PLCG1: variants seen among roughly 807,000 people sequenced by gnomAD.
The protein encoded by PLCG1 is phospholipase C gamma 1, also known as 1-phosphatidylinositol 4,5-bisphosphate phosphodiesterase gamma-1.
PLCG1 carries 71 observed loss-of-function variants against 177.8 expected under a neutral mutation model. That is an observed-to-expected ratio of 0.40 (90% confidence interval 0.33 to 0.49). The LOEUF (loss-of-function observed/expected upper bound fraction) is 0.49. Among genes scored for constraint, PLCG1 ranks in the 20% least tolerant of loss-of-function variants. PLCG1 has a pLI of 0.72. For synonymous variants in PLCG1, 658 were observed against 647.9 expected, an observed-to-expected ratio of 1.02 and a Z score of -0.24; for missense variants, 1,281 against 1,709.0, an observed-to-expected ratio of 0.75 and a Z score of 4.42.
At chr20:41,158,250 A>G (rs1169934847) in intron 1 of PLCG1, among the ~76,000 whole-genome samples, 1 of 152,122 alleles carries the variant, frequency 6.6e-6, no homozygotes, top group Non-Finnish European at 1.5e-5. Context: ...GTTGGTGTGC[A>G]GTTCGGGCTG....
At position 41,146,821 on chromosome 20, in the gene PLCG1, A is replaced by G. The variant is rs1411840259; in HGVS notation, c.217+8963A>G. On this transcript the variant is annotated intron_variant, in intron 1 of 31. Transcript: ENST00000685551. The surrounding 1 kb of genome is among the most constrained non-coding windows in gnomAD (Gnocchi z 6.3). ...TGTGTAGGTGTGGATGTGTGGTGGG[A>G]GAATTCCAACCCCACCTTGACTTCA... is the stretch of plus-strand genomic sequence containing the variant. Among the ~76,000 whole-genome samples, 4 of 152,120 alleles carry G rather than the reference A, an allele frequency of 2.6e-5. No homozygotes were observed. Among genetic ancestry groups the G allele is most frequent in the African/African-American group, 9.7e-5 (4 of 41,402 alleles).
chr20:41,164,191 G>A lies in PLCG1; in HGVS notation c.1207G>A (p.Val403Met). ...GCACACCATCAAGGAGCATGCCTTT[G>A]TGGCCTCAGAGTGAGTCGGAGGCTG... ...VLHTIKEHAF[V>M]ASEYPVILSI... The change falls in exon 12 of 32, where the codon GTG (valine) becomes ATG (methionine). Residue 403 changes from valine to methionine, a missense_variant. Val to Met is a conservative substitution (Grantham distance 21). Transcript: ENST00000685551. The surrounding 1 kb of genome is among the most constrained non-coding windows in gnomAD (Gnocchi z 6.4). 1 of 1,614,060 alleles carries A rather than the reference G, an allele frequency of 6.2e-7. No individual in the cohort carries two copies. The highest frequency in any genetic ancestry group is 8.5e-7 in the Non-Finnish European group (1 of 1,179,992).
In PLCG1 at chr20:41,166,361, C is replaced by T; in HGVS notation, c.1967C>T (p.Pro656Leu). 1 of 1,614,140 alleles carries T rather than the reference C, an allele frequency of 6.2e-7. No individual in the cohort carries two copies. The highest frequency in any genetic ancestry group is 8.5e-7 in the Non-Finnish European group (1 of 1,180,042). The change falls in exon 17 of 32, where the codon CCT becomes CTT. Residue 656 changes from proline to leucine, a missense_variant. This residue lies in a region of PLCG1 where 723 missense variants were observed against 1,030.0 expected (regional missense o/e 0.70). Coordinates refer to ENST00000685551, the MANE Select transcript of PLCG1 (RefSeq NM_002660.3). The surrounding 1 kb of genome is among the most constrained non-coding windows in gnomAD (Gnocchi z 8.6). The part of the protein sequence containing the change: ...CNEFEMRLSE[P>L]VPQTNAHESK... ...GAGTTTGAGATGCGACTTTCAGAGC[C>T]TGTCCCACAGACCAACGCCCACGAG...
Position 41,166,245 on chromosome 20 carries a change from G to A in PLCG1, c.1851G>A (p.Gly617=), listed in dbSNP as rs35256607. Residue 617 remains glycine, a synonymous_variant, in exon 17 of 32, where the codon GGG becomes GGA. Transcript: ENST00000685551. This position sits in a 1 kb window ranked among gnomAD's most constrained non-coding sequence, Gnocchi z 8.6. The stretch of plus-strand genomic sequence containing the variant: ...GTATCCACTCCCGGCAAGATGCTGG[G>A]ACCCCCAAGTTCTTCTTGACAGACA... The part of the protein sequence containing the change: ...HCRIHSRQDA[G]TPKFFLTDNL... 0.011 allele frequency: 17,108 copies of A among 1,614,144 alleles called. 113 individuals carry two copies. The highest frequency in any genetic ancestry group is 0.012 in the Non-Finnish European group (14,420 of 1,180,034).
rs2035161600 is a variant in PLCG1 at position 41,151,387 on chromosome 20, C to T, written c.218-8219C>T. On this transcript the variant is annotated intron_variant, in intron 1 of 31. Coordinates refer to ENST00000685551, the MANE Select transcript of PLCG1 (RefSeq NM_002660.3). The surrounding 1 kb of genome is among the most constrained non-coding windows in gnomAD (Gnocchi z 5.5). ...GTCTAGAATCTAGACCAAGCTTGTC[C>T]AACTCGCTGCCCGCGGGTCTGGTTT... Among the ~76,000 whole-genome samples, 1 of 152,196 alleles carries T rather than the reference C, an allele frequency of 6.6e-6. No homozygotes were observed. Among genetic ancestry groups the T allele is most frequent in the Admixed American group, 6.5e-5 (1 of 15,276 alleles).
chr20:41,137,751 T>G lies in PLCG1; in HGVS notation c.110T>G (p.Leu37Trp), dbSNP rs1254429059. 2 of 1,291,174 alleles carry G rather than the reference T, an allele frequency of 1.5e-6. No individual in the cohort carries two copies. Among genetic ancestry groups the G allele is most frequent in the African/African-American group, 1.5e-5 (1 of 65,302 alleles). The allele number at this position is 1,291,174 out of a possible 1,614,324, so 80.0% of individuals were successfully genotyped here. A position where few individuals can be genotyped will look rare whatever the true frequency, so the allele number is the denominator to read the frequency against. The change falls in exon 1 of 32, where the codon TTG becomes TGG. Residue 37 changes from leucine (L) to tryptophan (W), a missense_variant. By Grantham distance (61) the Leu-to-Trp change is moderately conservative. Transcript: ENST00000685551. The surrounding 1 kb of genome is among the most constrained non-coding windows in gnomAD (Gnocchi z 7.3). ...RSLEVGTVMTLFYSKKSQRPE... is the reference protein window; with the variant it reads ...RSLEVGTVMTWFYSKKSQRPE... ...CTCGAGGTGGGCACCGTCATGACTT[T>G]GTTCTACTCCAAGAAGTCGCAGCGA... is the stretch of plus-strand genomic sequence containing the variant.
rs2035055692 is a variant in PLCG1 at position 41,148,203 on chromosome 20, T to A, written c.217+10345T>A. Among the ~76,000 whole-genome samples the A allele has an allele frequency of 6.6e-6, 1 of 152,174 alleles. No individual in the cohort carries two copies. Among genetic ancestry groups the A allele is most frequent in the Non-Finnish European group, 1.5e-5 (1 of 68,026 alleles). On this transcript the variant is annotated intron_variant, in intron 1 of 31. Transcript: ENST00000685551. The surrounding 1 kb of genome is among the most constrained non-coding windows in gnomAD (Gnocchi z 4.3). ...GGAGGCTTAAGGACTAAACCAACAT[T>A]TACTGTCCAAGAGGTGGCAGTAACA...
At position 41,167,510 on chromosome 20, in the gene PLCG1, A is replaced by G. The variant is rs2035740387; in HGVS notation, c.2302-342A>G. On this transcript the variant is annotated intron_variant, in intron 19 of 31. Transcript: ENST00000685551. This position sits in a 1 kb window ranked among gnomAD's most constrained non-coding sequence, Gnocchi z 4.4. ...GGCTTTTCCTGACTTTGGGCTCAGCAGTGAACCAACAAGCCACTGAACTAA... is the reference window on the plus strand; with the variant it reads ...GGCTTTTCCTGACTTTGGGCTCAGCGGTGAACCAACAAGCCACTGAACTAA... 1 of 264,546 alleles carries G rather than the reference A, an allele frequency of 3.8e-6. No individual in the cohort carries two copies. Among genetic ancestry groups the G allele is most frequent in the Admixed American group, 4.9e-5 (1 of 20,464 alleles). The allele number at this position is 264,546 out of a possible 1,614,324, so 16.4% of individuals were successfully genotyped here. A position where few individuals can be genotyped will look rare whatever the true frequency, so the allele number is the denominator to read the frequency against.
rs748213018 is a variant in PLCG1 at position 41,150,881 on chromosome 20, A to T, written c.218-8725A>T. ...CTACTCGTTGCATGACCTCATAGTTATCTGCTTCCCCATCTGTTTCCTCCA... is the reference window on the plus strand; with the variant it reads ...CTACTCGTTGCATGACCTCATAGTTTTCTGCTTCCCCATCTGTTTCCTCCA... On this transcript the variant is annotated intron_variant, in intron 1 of 31. Transcript: ENST00000685551. This position sits in a 1 kb window ranked among gnomAD's most constrained non-coding sequence, Gnocchi z 4.0. Among the ~76,000 whole-genome samples, 1 of 152,172 alleles carries T rather than the reference A, an allele frequency of 6.6e-6. No individual in the cohort carries two copies. Among genetic ancestry groups the T allele is most frequent in the African/African-American group, 2.4e-5 (1 of 41,426 alleles).
rs750283962 is a variant in PLCG1 at position 41,173,593 on chromosome 20, C to T, written c.3394+59C>T. 2 of 1,614,072 alleles carry T rather than the reference C, an allele frequency of 1.2e-6. No individual in the cohort carries two copies. Among genetic ancestry groups the T allele is most frequent in the South Asian group, 1.1e-5 (1 of 91,076 alleles). ...TGCTGGGGCACTGCAAGCCTCTCCC[C>T]ACCAGTCATCCCATCCTCTCCCACG... On this transcript the variant is annotated intron_variant, in intron 28 of 31. Coordinates refer to ENST00000685551, the MANE Select transcript of PLCG1 (RefSeq NM_002660.3). The surrounding 1 kb of genome is among the most constrained non-coding windows in gnomAD (Gnocchi z 6.2).
chr20:41,168,074 G>A (rs2035763050), intron 20 of PLCG1, 145 bp downstream of exon 20: 5 of 670,032 alleles, frequency 7.5e-6, no homozygotes, highest in South Asian at 6.9e-5. Context: ...TGAGAGATGT[G>A]TGGTTGGTGA....
In PLCG1 at chr20:41,175,586, A is replaced by C. The variant is rs2146070167; in HGVS notation, c.*1077A>C. Reference sequence around the variant, plus strand: ...CCGGGGTCCAGGCCCGTGGGCGCAAAGGTGCCTCATAGCATAGCCAGCATT... The same window carrying C: ...CCGGGGTCCAGGCCCGTGGGCGCAACGGTGCCTCATAGCATAGCCAGCATT... On this transcript the variant is annotated 3_prime_UTR_variant, in exon 32 of 32. Coordinates refer to ENST00000685551, the MANE Select transcript of PLCG1 (RefSeq NM_002660.3). The C allele has an allele frequency of 6.5e-6, 1 of 152,790 alleles. No individual in the cohort carries two copies. 9.5% of individuals were successfully genotyped at this position (152,790 alleles called of 1,614,324 possible).
At position 41,159,355 on chromosome 20, in the gene PLCG1, G is replaced by T. The variant is rs2035420304; in HGVS notation, c.218-251G>T. ...TGTCTCAGTGAGGGAACAAAGATAG[G>T]GAAGGGACACCCCACAGAACCACCT... On this transcript the variant is annotated intron_variant, in intron 1 of 31. Transcript: ENST00000685551. This position sits in a 1 kb window ranked among gnomAD's most constrained non-coding sequence, Gnocchi z 6.0. Among the ~76,000 whole-genome samples, 1 of 152,074 alleles carries T rather than the reference G, an allele frequency of 6.6e-6. No individual in the cohort carries two copies. Among genetic ancestry groups the T allele is most frequent in the Non-Finnish European group, 1.5e-5 (1 of 68,006 alleles).
At chr20:41,170,360 A>C in intron 24 of PLCG1, 91 bp downstream of exon 24, 1 of 1,417,846 alleles carries the variant, frequency 7.1e-7, no homozygotes, top group Non-Finnish European at 9.8e-7. Context: ...CCCTCAGAGC[A>C]GTGGGGCAGC....
chr20:41,140,610 TCAG>T lies in PLCG1; in HGVS notation c.217+2756_217+2758del, dbSNP rs1023271290. 2.6e-4 allele frequency among the ~76,000 whole-genome samples: 40 copies of T among 152,148 alleles called. 1 individual carries two copies. Among genetic ancestry groups the T allele is most frequent in the Non-Finnish European group, 1.0e-4 (7 of 68,022 alleles). ...TGCCCTGACTCTGTGCCCTCTCTTGTCAGCAGTTGTGAAATGGAGCTGACACCT... is the reference window on the plus strand; with the variant it reads ...TGCCCTGACTCTGTGCCCTCTCTTGTCAGTTGTGAAATGGAGCTGACACCT... On this transcript the variant is annotated intron_variant, in intron 1 of 31. Transcript: ENST00000685551.
chr20:41,160,126 A>G lies in PLCG1; in HGVS notation c.485A>G (p.Tyr162Cys). 2 of 1,614,094 alleles carry G rather than the reference A, an allele frequency of 1.2e-6. No individual in the cohort carries two copies. The highest frequency in any genetic ancestry group is 1.7e-6 in the Non-Finnish European group (2 of 1,180,014). Residue 162 changes from tyrosine (Y) to cysteine (C), a missense_variant, in exon 4 of 32, where the codon TAC (tyrosine) becomes TGC (cysteine). By Grantham distance (194) the Tyr-to-Cys change is radical (BLOSUM62 -2). This residue lies in a region of PLCG1 where 374 missense variants were observed against 443.8 expected (regional missense o/e 0.84). Transcript: ENST00000685551. This position sits in a 1 kb window ranked among gnomAD's most constrained non-coding sequence, Gnocchi z 5.5. ...TCCAGGTGGCTCCGGAAGCAGTTTT[A>G]CTCAGTGGATCGGAATCGTGAGGAT... ...QIERWLRKQF[Y>C]SVDRNREDRI...
Position 41,163,578 on chromosome 20 carries a change from A to C in PLCG1, c.891+99A>C, listed in dbSNP as rs2035585531. 9.3e-7 allele frequency: 1 copy of C among 1,072,598 alleles called. No homozygotes were observed. The highest frequency in any genetic ancestry group is 2.4e-5 in the East Asian group (1 of 42,412). 66.4% of individuals were successfully genotyped at this position (1,072,598 alleles called of 1,614,324 possible). A position where few individuals can be genotyped will look rare whatever the true frequency, so the allele number is the denominator to read the frequency against. On this transcript the variant is annotated intron_variant, in intron 9 of 31. Transcript: ENST00000685551. The surrounding 1 kb of genome is among the most constrained non-coding windows in gnomAD (Gnocchi z 5.2). ...GAGCTAGACGCTCCTTAGGGATGCC[A>C]CCTTGTTTCTACCTACTGTGCACCT... is the stretch of plus-strand genomic sequence containing the variant.
Position 41,172,255 on chromosome 20 carries a change from CGTCTA to C in PLCG1, c.2872_2876del (p.Val958LeufsTer7), listed in dbSNP as rs1568757970. ...TTGCCCTGGAGCTCTCTGAACTTGT[CGTCTA>C]CTGCCGGCCTGTTCCCTTTGATGAA... On this transcript the variant is annotated frameshift_variant, in exon 25 of 32. Coordinates refer to ENST00000685551, the MANE Select transcript of PLCG1 (RefSeq NM_002660.3). LOFTEE classifies it high-confidence loss of function. This position sits in a 1 kb window ranked among gnomAD's most constrained non-coding sequence, Gnocchi z 7.0. 6.2e-7 allele frequency: 1 copy of C among 1,614,034 alleles called. No homozygotes were observed. The highest frequency in any genetic ancestry group is 2.2e-5 in the East Asian group (1 of 44,874).
At chr20:41,170,823 T>C (rs540162963) in intron 24 of PLCG1, 2 of 152,956 alleles carry the variant, frequency 1.3e-5, no homozygotes, top group South Asian at 2.1e-4. Flanking sequence ...TGTGAGACTT[T>C]TGAGCTGCAT....
Sources: allele counts gnomAD v4.1 joint callset (sites outside exome capture counted in the v4.1 genomes callset), GRCh38; gene constraint gnomAD v4.1.1; regional missense constraint gnomAD v4.1.1; non-coding constraint Gnocchi (gnomAD v3.1); transcripts MANE v1.5; gene names NCBI Gene and HGNC (gene_info 2026-07-23, HGNC 2026-07-21).